PCDH15: variants seen among roughly 807,000 people sequenced by gnomAD.
PCDH15 encodes protocadherin related 15.
PCDH15 carries 129 observed loss-of-function variants against 178.5 expected under a neutral mutation model. The ratio of observed to expected loss-of-function variants is 0.72; its 90% CI spans 0.63 to 0.84. The LOEUF is 0.84. Among genes scored for constraint, PCDH15 ranks in the 40% least tolerant of loss-of-function variants. PCDH15 has a pLI of 0.00. For synonymous variants in PCDH15, 800 were observed against 732.0 expected (o/e 1.09, Z -1.50); for missense variants, 2,230 against 2,099.9 (o/e 1.06, Z -1.21).
At chr10:55,107,447 T>C (rs1272524337) in intron 2 of PCDH15, among the ~76,000 whole-genome samples, 1 of 151,022 alleles carries the variant, frequency 6.6e-6, no homozygotes, top group Non-Finnish European at 1.5e-5. Context: ...CAAATATTCA[T>C]AGAAATAGAT....
At chr10:54,422,381 T>C (rs1955647625) in intron 3 of PCDH15, among the ~76,000 whole-genome samples, 1 of 152,134 alleles carries the variant, frequency 6.6e-6, no homozygotes, top group Non-Finnish European at 1.5e-5. Context: ...TGAATGTATG[T>C]AGTTCCTAGA....
intron 2 of PCDH15, among the ~76,000 whole-genome samples, chr10:54,652,455 C>T (rs984877004): frequency 2.6e-5 from 4 of 152,158 alleles, no homozygotes; most frequent in Middle Eastern, 3.2e-3. Context: ...AACTAAGACT[C>T]GCAGGCATTC....
rs118065200 is a variant in PCDH15, at chr10:54,166,371, T to C, written c.1591-13078A>G. On this transcript the variant is annotated intron_variant, in intron 13 of 37. Coordinates refer to ENST00000644397, the MANE Select transcript of PCDH15 (RefSeq NM_001384140.1). ...GATTAGGGCTGTGCCTTACTCGTTC[T>C]ACGTATTTTTCAGAGCACTTAGTTT... 3.3e-4 allele frequency among the ~76,000 whole-genome samples: 50 copies of C among 152,374 alleles called. 1 individual carries two copies. In the East Asian group the frequency reaches 9.1e-3, roughly 28 times the overall value.
intron 2 of PCDH15, among the ~76,000 whole-genome samples, chr10:54,990,295 TACC>T (rs1183440612): frequency 6.6e-6 from 1 of 152,182 alleles, no homozygotes; most frequent in Non-Finnish European, 1.5e-5. Context: ...CAGTAGAAAA[TACC>T]ATTTTTTTTA....
intron 2 of PCDH15, among the ~76,000 whole-genome samples, chr10:54,613,517 ACACACACT>A (rs2093032245): frequency 6.6e-6 from 1 of 151,404 alleles, no homozygotes; most frequent in African/African-American, 2.4e-5. Context: ...ACACACACAC[ACACACACT>A]CACACACATA....
chr10:54,616,079 T>C (rs922665996), intron 2 of PCDH15, among the ~76,000 whole-genome samples: 4 of 152,102 alleles, frequency 2.6e-5, no homozygotes, highest in African/African-American at 9.7e-5. Context: ...GATATTTTAA[T>C]GTGCAAAGCC....
At chr10:55,609,955 T>G (rs1012084474) in intron 2 of PCDH15, among the ~76,000 whole-genome samples, 4 of 152,134 alleles carry the variant, frequency 2.6e-5, no homozygotes, top group African/African-American at 9.7e-5. Context: ...ACTGTCATAA[T>G]AAGGAGAAAA....
At chr10:54,620,302 A>G (rs182123666) in intron 2 of PCDH15, among the ~76,000 whole-genome samples, 11 of 152,178 alleles carry the variant, frequency 7.2e-5, no homozygotes, top group South Asian at 2.1e-4. Context: ...TAAAATACCA[A>G]TCTTATTATT....
Position 55,328,397 on chromosome 10 carries a change from A to G in PCDH15, c.-155-161746T>C, listed in dbSNP as rs565877679. ...GTATATGGTCTAGTCTATTGCTCCT[A>G]GGCTACAAACCTGTGCCACATTTTA... On this transcript the variant is annotated intron_variant, in intron 2 of 5. Coordinates refer to the PCDH15 transcript ENST00000613346. Among the ~76,000 whole-genome samples the G allele has an allele frequency of 1.4e-3, 210 of 151,980 alleles. 1 individual carries two copies. The highest frequency in any genetic ancestry group is 2.1e-3 in the Non-Finnish European group (140 of 67,846).
chr10:54,516,490 C>T (rs994583114), intron 3 of PCDH15, among the ~76,000 whole-genome samples: 17 of 151,280 alleles, frequency 1.1e-4, no homozygotes, highest in African/African-American at 4.2e-4. Flanking sequence ...TGAAATGAAG[C>T]AAGAAGGGAA....
chr10:55,128,268 T>C (rs1261583716), intron 2 of PCDH15, among the ~76,000 whole-genome samples: 2 of 151,930 alleles, frequency 1.3e-5, no homozygotes, highest in Non-Finnish European at 2.9e-5. Context: ...ATTGGGAAAA[T>C]GAGAATATGA....
At chr10:54,567,212 C>A (rs946648416) in intron 2 of PCDH15, among the ~76,000 whole-genome samples, 1 of 152,014 alleles carries the variant, frequency 6.6e-6, no homozygotes, top group African/African-American at 2.4e-5. Context: ...TTTAACAGAT[C>A]TTTGTATATT....
intron 3 of PCDH15, among the ~76,000 whole-genome samples, chr10:54,390,370 G>C (rs1950406848): frequency 6.6e-6 from 1 of 152,120 alleles, no homozygotes; most frequent in Non-Finnish European, 1.5e-5. Context: ...TCGGCTCCCT[G>C]CAACCTCTGC....
At chr10:54,726,852 A>G (rs370276939) in intron 1 of PCDH15, among the ~76,000 whole-genome samples, 21 of 136,254 alleles carry the variant, frequency 1.5e-4, no homozygotes, top group Admixed American at 6.7e-4. Flanking sequence ...GATTAAAAAG[A>G]AGAAAAAAAA....
intron 17 of PCDH15, among the ~76,000 whole-genome samples, chr10:54,069,197 T>C (rs1590222233): frequency 6.6e-6 from 1 of 152,194 alleles, no homozygotes; most frequent in African/African-American, 2.4e-5. Flanking sequence ...CTAAGAATGG[T>C]GACCCTGGAG....
chr10:55,535,033 A>G (rs1456990837), intron 2 of PCDH15, among the ~76,000 whole-genome samples: 3 of 152,050 alleles, frequency 2.0e-5, no homozygotes, highest in Non-Finnish European at 4.4e-5. Flanking sequence ...AACATGGGAA[A>G]AACAGATGCT....
chr10:55,114,526 G>A (rs548813241), intron 2 of PCDH15, among the ~76,000 whole-genome samples: 7 of 152,234 alleles, frequency 4.6e-5, no homozygotes, highest in East Asian at 3.9e-4. Context: ...ATCTAACTAC[G>A]GTCTGGATTT....
chr10:54,055,311 G>C (rs2660150), intron 18 of PCDH15, among the ~76,000 whole-genome samples: 31,737 of 152,030 alleles, frequency 0.21, 3,492 homozygotes, highest in Non-Finnish European at 0.23. Flanking sequence ...ACATGTTGTA[G>C]ACTTATGGTT....
At chr10:54,987,586 T>C (rs894395720) in intron 2 of PCDH15, among the ~76,000 whole-genome samples, 2 of 152,212 alleles carry the variant, frequency 1.3e-5, no homozygotes, top group African/African-American at 4.8e-5. Flanking sequence ...TATCTCATTG[T>C]GGTTTTATTT....
Sources: gnomAD v4.1 joint callset for allele counts (sites outside exome capture counted in the v4.1 genomes callset) on GRCh38, gnomAD v4.1.1 for gene constraint, MANE v1.5 for transcripts, NCBI Gene and HGNC (gene_info 2026-07-23, HGNC 2026-07-21) for gene names.